RBFOX1: variants seen among roughly 807,000 people sequenced by gnomAD.
RBFOX1 encodes RNA binding fox-1 homolog 1, also known as RNA binding protein fox-1 homolog 1.
A neutral mutation model predicts 57.7 loss-of-function variants in RBFOX1; 8 were observed. That is an observed-to-expected ratio of 0.14 (90% confidence interval 0.08 to 0.25). RBFOX1 has a LOEUF of 0.25. Ranked by LOEUF, RBFOX1 falls within the 10% of genes least tolerant of loss-of-function variation. The pLI is 1.00. For synonymous variants in RBFOX1, 326 were observed against 222.4 expected, an observed-to-expected ratio of 1.47 and a Z score of -4.15; for missense variants, 611 against 548.5, an observed-to-expected ratio of 1.11 and a Z score of -1.14.
chr16:6,530,101 C>T lies in RBFOX1; in HGVS notation c.-63-124502C>T, dbSNP rs146175337. Among the ~76,000 whole-genome samples the T allele has an allele frequency of 1.1e-3, 164 of 152,286 alleles. 4 individuals carry two copies. In the East Asian group the frequency reaches 0.028, roughly 26 times the overall value. On this transcript the variant is annotated intron_variant, in intron 2 of 15. Transcript: ENST00000550418. Reference sequence around the variant, plus strand: ...CCCTTGTCAGTCAGACTTGTAGCTTCCGAAAAGGAGACAGTGTGTGGTGTT... The same window carrying T: ...CCCTTGTCAGTCAGACTTGTAGCTTTCGAAAAGGAGACAGTGTGTGGTGTT...
intron 4 of RBFOX1, among the ~76,000 whole-genome samples, chr16:7,492,963 C>T (rs2067409998): frequency 6.6e-6 from 1 of 152,134 alleles, no homozygotes; most frequent in South Asian, 2.1e-4. Flanking sequence ...ACTGCAACCT[C>T]CGCCTCCCAG....
intron 3 of RBFOX1, among the ~76,000 whole-genome samples, chr16:5,633,291 C>A (rs1182362574): frequency 6.6e-6 from 1 of 152,090 alleles, no homozygotes; most frequent in Non-Finnish European, 1.5e-5. Context: ...CCACTCTTCT[C>A]CCTGGAACCA....
intron 1 of RBFOX1, among the ~76,000 whole-genome samples, chr16:5,462,498 A>G (rs80109004): frequency 0.012 from 1,873 of 152,170 alleles, 51 homozygotes; most frequent in African/African-American, 0.043. Flanking sequence ...TGCACATGGA[A>G]CACCTGTGTG....
chr16:6,540,007 G>T (rs1383184344), intron 2 of RBFOX1, among the ~76,000 whole-genome samples: 1 of 152,072 alleles, frequency 6.6e-6, no homozygotes, highest in Non-Finnish European at 1.5e-5. Flanking sequence ...TTACTTTCAG[G>T]TATACACAGC....
chr16:6,571,538 G>T (rs997707792), intron 2 of RBFOX1, among the ~76,000 whole-genome samples: 1 of 152,048 alleles, frequency 6.6e-6, no homozygotes, highest in South Asian at 2.1e-4. Context: ...GTGTGCTGGG[G>T]TAGTCGGGGA....
At chr16:5,449,731 C>G (rs1001700757) in intron 1 of RBFOX1, among the ~76,000 whole-genome samples, 5 of 152,130 alleles carry the variant, frequency 3.3e-5, no homozygotes, top group Non-Finnish European at 5.9e-5. Context: ...ACCTCAGCCC[C>G]CCGAGTAGAT....
chr16:5,976,909 A>G (rs574454193), intron 4 of RBFOX1, among the ~76,000 whole-genome samples: 1 of 152,288 alleles, frequency 6.6e-6, no homozygotes, highest in Non-Finnish European at 1.5e-5. Context: ...GATAAAGCAA[A>G]TTAGATGTGG....
chr16:5,375,085 C>T (rs1226494639), intron 1 of RBFOX1, among the ~76,000 whole-genome samples: 1 of 37,080 alleles, frequency 2.7e-5, no homozygotes, highest in Non-Finnish European at 4.6e-5. Context: ...TTTAAATGGC[C>T]AAAAAAAAAA....
intron 3 of RBFOX1, among the ~76,000 whole-genome samples, chr16:7,031,619 G>T (rs1440372939): frequency 6.6e-6 from 1 of 151,434 alleles, no homozygotes; most frequent in Admixed American, 6.6e-5. Context: ...AGAAAGAAAA[G>T]AAAAGAAAGG....
intron 4 of RBFOX1, among the ~76,000 whole-genome samples, chr16:7,110,250 C>T (rs1194609962): frequency 1.3e-5 from 2 of 151,344 alleles, no homozygotes; most frequent in Non-Finnish European, 2.9e-5. Flanking sequence ...GTCCCAGCTT[C>T]TCGGGGAGGC....
chr16:7,661,021 A>C (rs2067588879), intron 12 of RBFOX1, among the ~76,000 whole-genome samples: 2 of 152,212 alleles, frequency 1.3e-5, no homozygotes. Flanking sequence ...ATGAGCACAG[A>C]AAGGCTAGAC....
intron 4 of RBFOX1, among the ~76,000 whole-genome samples, chr16:5,961,289 A>G (rs1222203068): frequency 6.6e-6 from 1 of 152,168 alleles, no homozygotes; most frequent in Admixed American, 6.5e-5. Flanking sequence ...TTAAGAATCC[A>G]TTAGGTAAGT....
intron 3 of RBFOX1, among the ~76,000 whole-genome samples, chr16:7,045,799 G>A (rs554263543): frequency 6.6e-6 from 1 of 152,070 alleles, no homozygotes; most frequent in African/African-American, 2.4e-5. Flanking sequence ...GGGACTACAG[G>A]CGCATTCCAC....
At chr16:6,503,448 G>T (rs890519457) in intron 2 of RBFOX1, among the ~76,000 whole-genome samples, 1 of 152,086 alleles carries the variant, frequency 6.6e-6, no homozygotes. Context: ...CATTTCCCTG[G>T]GTGGACCATG....
At chr16:7,427,815 A>C (rs2098636435) in intron 4 of RBFOX1, among the ~76,000 whole-genome samples, 1 of 151,512 alleles carries the variant, frequency 6.6e-6, no homozygotes, top group Admixed American at 6.6e-5. Context: ...TACCACGCCC[A>C]GTTAGTTTTC....
chr16:5,861,390 C>G (rs562821413), intron 3 of RBFOX1, among the ~76,000 whole-genome samples: 8 of 152,298 alleles, frequency 5.3e-5, no homozygotes, highest in African/African-American at 1.9e-4. Flanking sequence ...TACTCATTCT[C>G]CTCCTGTCAG....
chr16:6,189,184 C>T (rs1274568145), intron 1 of RBFOX1, among the ~76,000 whole-genome samples: 1 of 152,144 alleles, frequency 6.6e-6, no homozygotes, highest in Admixed American at 6.5e-5. Context: ...ATGGATATTA[C>T]AATGAATGCT....
At chr16:6,907,257 C>T (rs747199689) in intron 3 of RBFOX1, among the ~76,000 whole-genome samples, 4 of 152,118 alleles carry the variant, frequency 2.6e-5, no homozygotes, top group African/African-American at 4.8e-5. Flanking sequence ...CGAAGCAAAG[C>T]GTTTGTAGTG....
intron 2 of RBFOX1, among the ~76,000 whole-genome samples, chr16:5,505,962 TC>T (rs1206551556): frequency 6.6e-6 from 1 of 151,940 alleles, no homozygotes; most frequent in African/African-American, 2.4e-5. Flanking sequence ...CACCCTCCCC[TC>T]CCGCATTGAC....
Sources: allele counts gnomAD v4.1 joint callset (sites outside exome capture counted in the v4.1 genomes callset), GRCh38; gene constraint gnomAD v4.1.1; transcripts MANE v1.5; gene names NCBI Gene and HGNC (gene_info 2026-07-23, HGNC 2026-07-21).